DTD1: variants seen among roughly 807,000 people sequenced by gnomAD.
The protein encoded by DTD1 is D-aminoacyl-tRNA deacylase 1, also known as D-tyrosyl-tRNA deacylase 1 homolog.
Under a neutral mutation model 25.6 loss-of-function variants are expected in DTD1, and 13 were observed. The observed-to-expected ratio is 0.51, with a 90% CI of 0.33 to 0.81. The LOEUF is 0.81. Among genes scored for constraint, DTD1 ranks in the 30% least tolerant of loss-of-function variants. The probability of loss-of-function intolerance (pLI) is 0.02; values close to 1 mark genes in which losing one functional copy is unlikely to be tolerated. For synonymous variants in DTD1, 110 were observed against 103.6 expected, an observed-to-expected ratio of 1.06 and a Z score of -0.37; for missense variants, 193 against 266.4, an observed-to-expected ratio of 0.72 and a Z score of 1.92.
intron 4 of DTD1, among the ~76,000 whole-genome samples, chr20:18,668,810 T>G (rs1296289138): frequency 1.3e-5 from 2 of 152,268 alleles, no homozygotes; most frequent in Non-Finnish European, 2.9e-5. Flanking sequence ...TTCCAGATTT[T>G]TCTGCCTCTC....
At chr20:18,621,213 C>T (rs1470521189) in intron 3 of DTD1, among the ~76,000 whole-genome samples, 2 of 152,114 alleles carry the variant, frequency 1.3e-5, no homozygotes, top group Non-Finnish European at 2.9e-5. Context: ...TTTGAAGAGT[C>T]ACTCATTTTG....
intron 4 of DTD1, among the ~76,000 whole-genome samples, chr20:18,666,085 A>T (rs779290302): frequency 6.6e-6 from 1 of 152,090 alleles, no homozygotes; most frequent in African/African-American, 2.4e-5. Context: ...GCCACATTGC[A>T]TTTTGTTGTC....
intron 4 of DTD1, among the ~76,000 whole-genome samples, chr20:18,731,081 G>A (rs1037811031): frequency 1.4e-4 from 21 of 152,132 alleles, no homozygotes; most frequent in Non-Finnish European, 4.4e-5. Flanking sequence ...CCCTTGTTAT[G>A]GATCTCCTTT....
At chr20:18,598,540 C>T (rs2060620916) in intron 3 of DTD1, among the ~76,000 whole-genome samples, 1 of 152,020 alleles carries the variant, frequency 6.6e-6, no homozygotes, top group African/African-American at 2.4e-5. Context: ...CTCTGTTGCC[C>T]AGACTGGAGC....
chr20:18,674,298 G>A (rs1310573987), intron 4 of DTD1: 1 of 152,120 alleles, frequency 6.6e-6, no homozygotes, highest in Non-Finnish European at 1.5e-5. Context: ...GAGGTAGAGA[G>A]GGGAATGGAA....
chr20:18,593,057 T>A (rs1173960882), intron 1 of DTD1, among the ~76,000 whole-genome samples: 31 of 151,952 alleles, frequency 2.0e-4, no homozygotes, highest in Admixed American at 2.0e-3. Flanking sequence ...TAAATACATA[T>A]ACAAATGTTA....
intron 4 of DTD1, among the ~76,000 whole-genome samples, chr20:18,725,623 G>GT (rs1269409411): frequency 6.6e-6 from 1 of 151,972 alleles, no homozygotes; most frequent in Non-Finnish European, 1.5e-5. Flanking sequence ...CGTTTTTTGC[G>GT]TAAGATGCTG....
intron 4 of DTD1, among the ~76,000 whole-genome samples, chr20:18,708,794 C>T (rs1036741505): frequency 6.6e-5 from 10 of 152,152 alleles, no homozygotes; most frequent in Non-Finnish European, 1.0e-4. Flanking sequence ...TCTTTTCTAG[C>T]GCTGTTGTCA....
At chr20:18,662,232 G>T (rs2060914280) in intron 4 of DTD1, among the ~76,000 whole-genome samples, 1 of 152,130 alleles carries the variant, frequency 6.6e-6, no homozygotes, top group South Asian at 2.1e-4. Flanking sequence ...GTTTTGCCTT[G>T]TTAGATAGGT....
intron 5 of DTD1, among the ~76,000 whole-genome samples, chr20:18,761,946 A>G (rs1465676207): frequency 6.6e-6 from 1 of 152,194 alleles, no homozygotes; most frequent in African/African-American, 2.4e-5. Flanking sequence ...TCTTTTAGAA[A>G]ACTCTTAGGA....
rs573195047 is a variant in DTD1, at chr20:18,620,939, G to A, written c.371-7188G>A. On this transcript the variant is annotated intron_variant, in intron 3 of 5. Transcript: ENST00000377452. ...ATAATTTAGGCTTACAGAAAAGTTT[G>A]ACAAATAATAAGATTCATCCAACTT... Among the ~76,000 whole-genome samples, 200 of 152,236 alleles carry A rather than the reference G, an allele frequency of 1.3e-3. 1 individual carries two copies. The highest frequency in any genetic ancestry group is 2.5e-3 in the Non-Finnish European group (168 of 68,016).
In DTD1 at chr20:18,749,238, G is replaced by T. The variant is rs2122527963; in HGVS notation, c.*19+4967G>T. On this transcript the variant is annotated intron_variant, in intron 5 of 5. Coordinates refer to ENST00000377452, the MANE Select transcript of DTD1 (RefSeq NM_080820.6). The surrounding 1 kb of genome is among the most constrained non-coding windows in gnomAD (Gnocchi z 4.2). ...GGGATTCTGGAGGGAGAGCAGTGCA[G>T]GTGGCTCCAGGGCTCCAGGAGGCAG... Among the ~76,000 whole-genome samples the T allele has an allele frequency of 6.6e-6, 1 of 152,290 alleles. No homozygotes were observed. The highest frequency in any genetic ancestry group is 2.4e-5 in the African/African-American group (1 of 41,566).
At chr20:18,713,044 G>A (rs2061165719) in intron 4 of DTD1, among the ~76,000 whole-genome samples, 1 of 152,194 alleles carries the variant, frequency 6.6e-6, no homozygotes, top group South Asian at 2.1e-4. Flanking sequence ...TCTTCCTTTG[G>A]CCTTGGCCAG....
At chr20:18,675,402 C>T (rs943842737) in intron 4 of DTD1, 4 of 152,166 alleles carry the variant, frequency 2.6e-5, no homozygotes, top group Admixed American at 1.3e-4. Flanking sequence ...ACATACCTTC[C>T]GGTTGCTGGA....
chr20:18,732,607 G>C (rs915950338), intron 4 of DTD1, among the ~76,000 whole-genome samples: 2 of 152,162 alleles, frequency 1.3e-5, no homozygotes, highest in African/African-American at 2.4e-5. Context: ...TATAGGTGTG[G>C]TGAAGCAAAG....
At chr20:18,705,709 G>A (rs529551193) in intron 4 of DTD1, among the ~76,000 whole-genome samples, 1 of 152,288 alleles carries the variant, frequency 6.6e-6, no homozygotes, top group South Asian at 2.1e-4. Context: ...TGCATTAGGA[G>A]ATCTGCTTTG....
At position 18,749,173 on chromosome 20, in the gene DTD1, G is replaced by T. The variant is rs1468972361; in HGVS notation, c.*19+4902G>T. 6.6e-6 allele frequency among the ~76,000 whole-genome samples: 1 copy of T among 152,156 alleles called. No individual in the cohort carries two copies. Among genetic ancestry groups the T allele is most frequent in the African/African-American group, 2.4e-5 (1 of 41,444 alleles). On this transcript the variant is annotated intron_variant, in intron 5 of 5. Transcript: ENST00000377452. The surrounding 1 kb of genome is among the most constrained non-coding windows in gnomAD (Gnocchi z 4.2). The stretch of plus-strand genomic sequence containing the variant: ...CCAGGCTGGGATCCTTGGAGTGGGG[G>T]AATGGGGGTTGGGTTGCAGGAAACT...
intron 4 of DTD1, among the ~76,000 whole-genome samples, chr20:18,636,376 C>T (rs975110881): frequency 1.3e-5 from 2 of 152,184 alleles, no homozygotes; most frequent in Non-Finnish European, 2.9e-5. Flanking sequence ...GAAAAATGTT[C>T]TGCCAGTCAG....
At chr20:18,695,541 CT>C (rs2061071632) in intron 4 of DTD1, among the ~76,000 whole-genome samples, 1 of 35,048 alleles carries the variant, frequency 2.9e-5, no homozygotes, top group Non-Finnish European at 6.3e-5. Flanking sequence ...CTTCCTTTCC[CT>C]TCCCTTCCCT....
Sources: gnomAD v4.1 joint callset for allele counts (sites outside exome capture counted in the v4.1 genomes callset) on GRCh38, gnomAD v4.1.1 for gene constraint, Gnocchi (gnomAD v3.1) non-coding constraint, MANE v1.5 for transcripts, NCBI Gene and HGNC (gene_info 2026-07-23, HGNC 2026-07-21) for gene names.